Variants in CYLD observed in about 807,000 individuals in gnomAD.
The protein encoded by CYLD is CYLD lysine 63 deubiquitinase.
A neutral mutation model predicts 104.5 loss-of-function variants in CYLD; 26 were observed. The observed-to-expected ratio is 0.25, with a 90% CI of 0.18 to 0.35. The LOEUF is 0.35. CYLD is among the 10% of genes least tolerant of loss of function. CYLD has a pLI of 1.00. For synonymous variants in CYLD, 385 were observed against 399.9 expected (o/e 0.96, Z 0.45); for missense variants, 703 against 1,136.1 (o/e 0.62, Z 5.48).
chr16:50,777,239 T>C (rs566501150), intron 7 of CYLD, among the ~76,000 whole-genome samples: 5 of 152,248 alleles, frequency 3.3e-5, no homozygotes, highest in African/African-American at 1.2e-4. Flanking sequence ...GGCAGGGTAA[T>C]GTCATGAAAT....
In CYLD at chr16:50,754,571, C is replaced by G. The variant is rs909640868; in HGVS notation, c.913+147C>G. On this transcript the variant is annotated intron_variant, in intron 5 of 18. Coordinates refer to ENST00000427738, the MANE Select transcript of CYLD (RefSeq NM_001378743.1). ...GGTGATTTCTGAGATTTTGGTGCACCCGTCACCCGAGAAGTATACTCCGTA... is the reference window on the plus strand; with the variant it reads ...GGTGATTTCTGAGATTTTGGTGCACGCGTCACCCGAGAAGTATACTCCGTA... 5 of 644,394 alleles carry G rather than the reference C, an allele frequency of 7.8e-6. No individual in the cohort carries two copies. The Admixed American group carries it at 1.2e-4, about 15-fold the overall frequency. The allele number at this position is 644,394 out of a possible 1,614,324, so 39.9% of individuals were successfully genotyped here. A position where few individuals can be genotyped will look rare whatever the true frequency, so the allele number is the denominator to read the frequency against.
chr16:50,774,372 G>A (rs1187643353), intron 5 of CYLD, among the ~76,000 whole-genome samples: 1 of 152,092 alleles, frequency 6.6e-6, no homozygotes, highest in African/African-American at 2.4e-5. Context: ...CTGAAACTAT[G>A]GATAGTACTG....
intron 2 of CYLD, among the ~76,000 whole-genome samples, chr16:50,747,466 C>T (rs1373453518): frequency 6.6e-6 from 1 of 152,044 alleles, no homozygotes; most frequent in East Asian, 1.9e-4. Flanking sequence ...CCTTGCAGAT[C>T]AAGAGTTATG....
chr16:50,759,859 A>G (rs1322963105), intron 5 of CYLD, among the ~76,000 whole-genome samples: 1 of 152,174 alleles, frequency 6.6e-6, no homozygotes, highest in Non-Finnish European at 1.5e-5. Flanking sequence ...TTTATACAAC[A>G]TTTGTGTCTT....
Position 50,775,005 on chromosome 16 carries a change from A to G in CYLD, c.914-161A>G, listed in dbSNP as rs112350689. On this transcript the variant is annotated intron_variant, in intron 5 of 18. Transcript: ENST00000427738. ...AACACATCCCCCTCCTCTTTCAACC[A>G]TGGAAAAAAGTTACCAAGTATTTAC... is the stretch of plus-strand genomic sequence containing the variant. 0.016 allele frequency among the ~76,000 whole-genome samples: 2,382 copies of G among 152,330 alleles called. 74 individuals carry two copies. Among genetic ancestry groups the G allele is most frequent in the African/African-American group, 0.055 (2,272 of 41,574 alleles).
chr16:50,749,646 AAGTTATT>A lies in CYLD; in HGVS notation c.-49_-43del. 6.3e-7 allele frequency: 1 copy of A among 1,582,700 alleles called. No homozygotes were observed. The highest frequency in any genetic ancestry group is 8.6e-7 in the Non-Finnish European group (1 of 1,158,174). The stretch of plus-strand genomic sequence containing the variant: ...ATTTATCTTTTGCGGTTTTATGACA[AAGTTATT>A]AGTAGTTTCCCTTTTTTGAATTAGT... On this transcript the variant is annotated 5_prime_UTR_variant, in exon 3 of 19. The change creates a premature stop within an existing upstream ORF in the 5' untranslated region. Coordinates refer to ENST00000427738, the MANE Select transcript of CYLD (RefSeq NM_001378743.1).
chr16:50,787,617 C>CT, intron 13 of CYLD, 169 bp from the exon 14 acceptor site: 1 of 553,224 alleles, frequency 1.8e-6, no homozygotes, highest in Non-Finnish European at 3.2e-6. Context: ...TATTAAATGT[C>CT]TTTTATGTTT....
chr16:50,762,150 CCAT>C (rs1479466682), intron 5 of CYLD, among the ~76,000 whole-genome samples: 16 of 152,254 alleles, frequency 1.1e-4, no homozygotes, highest in African/African-American at 3.6e-4. Context: ...AAGCAACCTC[CCAT>C]CATCCACCCC....
intron 16 of CYLD, 145 bp downstream of exon 16, chr16:50,792,850 T>A (rs1971563732): frequency 1.7e-6 from 1 of 572,786 alleles, no homozygotes; most frequent in Non-Finnish European, 3.1e-6. Context: ...ATGAAACCAG[T>A]CATTTTATTT....
intron 11 of CYLD, among the ~76,000 whole-genome samples, chr16:50,782,916 A>ATTT (rs386384680): frequency 0.046 from 4,000 of 87,720 alleles, 613 homozygotes; most frequent in African/African-American, 0.077. Flanking sequence ...ACAACTTAAG[A>ATTT]TTTTTTTTTT....
intron 4 of CYLD, among the ~76,000 whole-genome samples, chr16:50,752,589 A>T (rs1966718696): frequency 6.6e-6 from 1 of 152,212 alleles, no homozygotes; most frequent in Non-Finnish European, 1.5e-5. Flanking sequence ...GTGTATTCAC[A>T]TTGTTGTACT....
intron 5 of CYLD, among the ~76,000 whole-genome samples, chr16:50,758,301 T>C (rs1224144230): frequency 1.3e-5 from 2 of 152,080 alleles, no homozygotes; most frequent in Non-Finnish European, 2.9e-5. Context: ...GTTTGAGCAA[T>C]GTGAAGAGTT....
At position 50,749,980 on chromosome 16, in the gene CYLD, AAAGTTCACAG is replaced by A. The variant is rs1424740800; in HGVS notation, c.284_293del (p.Lys95SerfsTer22). 1 of 1,614,190 alleles carries A rather than the reference AAAGTTCACAG, an allele frequency of 6.2e-7. No homozygotes were observed. The highest frequency in any genetic ancestry group is 8.5e-7 in the Non-Finnish European group (1 of 1,180,022). On this transcript the variant is annotated frameshift_variant, in exon 3 of 19. Coordinates refer to ENST00000427738, the MANE Select transcript of CYLD (RefSeq NM_001378743.1). LOFTEE classifies it high-confidence loss of function. The stretch of plus-strand genomic sequence containing the variant: ...AAAAGGATGTTGTAGAGATAAATGA[AAAGTTCACAG>A]AGTTACTTTTGGCAATTACCAATTG...
Position 50,801,061 on chromosome 16 carries a change from G to A in CYLD, c.*4553G>A, listed in dbSNP as rs1297058634. ...GGGTTTTAGACTGAGGCTTCCTGCA[G>A]GGTGTTCGCATTGCCCTTCTCCGTT... On this transcript the variant is annotated 3_prime_UTR_variant, in exon 19 of 19. Transcript: ENST00000427738. 8.6e-6 allele frequency: 2 copies of A among 233,388 alleles called. No individual in the cohort carries two copies. The highest frequency in any genetic ancestry group is 1.7e-5 in the Non-Finnish European group (2 of 118,102). The allele number at this position is 233,388 out of a possible 1,614,324, so 14.5% of individuals were successfully genotyped here. A position where few individuals can be genotyped will look rare whatever the true frequency, so the allele number is the denominator to read the frequency against.
At chr16:50,791,150 G>C (rs1187741229) in intron 14 of CYLD, among the ~76,000 whole-genome samples, 2 of 152,200 alleles carry the variant, frequency 1.3e-5, no homozygotes, top group East Asian at 3.9e-4. Context: ...GGTCTGCTAA[G>C]GGTCTGTCAC....
At position 50,799,211 on chromosome 16, in the gene CYLD, TA is replaced by T; in HGVS notation, c.*2704del. 4.3e-6 allele frequency: 1 copy of T among 233,476 alleles called. No homozygotes were observed. The highest frequency in any genetic ancestry group is 6.0e-5 in the East Asian group (1 of 16,714). The allele number at this position is 233,476 out of a possible 1,614,324, so 14.5% of individuals were successfully genotyped here. A position where few individuals can be genotyped will look rare whatever the true frequency, so the allele number is the denominator to read the frequency against. ...GACAATGTAATTGAATTATCTTATT[TA>T]TAACACGGTTCGTGATTCATGATTC... On this transcript the variant is annotated 3_prime_UTR_variant, in exon 19 of 19. Transcript: ENST00000427738.
chr16:50,766,896 T>C (rs568824324), intron 5 of CYLD, among the ~76,000 whole-genome samples: 26 of 152,224 alleles, frequency 1.7e-4, no homozygotes, highest in Non-Finnish European at 3.1e-4. Context: ...CATCAACTCC[T>C]GGTGAGGATA....
In CYLD at chr16:50,796,805, G is replaced by C; in HGVS notation, c.*297G>C. 5.0e-6 allele frequency: 2 copies of C among 401,342 alleles called. No homozygotes were observed. The highest frequency in any genetic ancestry group is 9.2e-6 in the Non-Finnish European group (2 of 216,442). 24.9% of individuals were successfully genotyped at this position (401,342 alleles called of 1,614,324 possible). On this transcript the variant is annotated 3_prime_UTR_variant, in exon 19 of 19. Transcript: ENST00000427738. ...CATTGATCATATGATATTTTTGGAA[G>C]CATACAATTTTAATTGTGGAAGTTT...
chr16:50,742,402 T>TCCC (rs151192348), intron 1 of CYLD: 2 of 169,084 alleles, frequency 1.2e-5, no homozygotes, highest in African/African-American at 4.8e-5. Context: ...AGCCCGGGTT[T>TCCC]CCCCCCCCCA....
Sources: allele counts gnomAD v4.1 joint callset (sites outside exome capture counted in the v4.1 genomes callset), GRCh38; gene constraint gnomAD v4.1.1; transcripts MANE v1.5; gene names NCBI Gene and HGNC (gene_info 2026-07-23, HGNC 2026-07-21).